The following FSD1L variants were observed in gnomAD, a reference collection of about 807,000 sequenced individuals.
FSD1L encodes the protein FSD1-like protein.
In FSD1L, 45 loss-of-function variants were observed where a neutral mutation model predicts 71.6. The ratio of observed to expected loss-of-function variants is 0.63; its 90% CI spans 0.49 to 0.81. The LOEUF (loss-of-function observed/expected upper bound fraction) is 0.81. Ranked by LOEUF, FSD1L falls within the 30% of genes least tolerant of loss-of-function variation. The pLI, the probability that FSD1L is intolerant of heterozygous loss-of-function variation, is 0.00. For missense variants in FSD1L, 561 were observed against 618.1 expected (o/e 0.91, Z 0.98); for synonymous variants, 197 against 207.2 (o/e 0.95, Z 0.42).
At chr9:105,544,355 T>A (rs1399163561) in intron 13 of FSD1L, among the ~76,000 whole-genome samples, 1 of 152,042 alleles carries the variant, frequency 6.6e-6, no homozygotes, top group Admixed American at 6.6e-5. Flanking sequence ...GATTGCAAAA[T>A]TTTTCTCCCA....
At chr9:105,495,486 G>A (rs10991674) in intron 7 of FSD1L, among the ~76,000 whole-genome samples, 18,666 of 152,170 alleles carry the variant, frequency 0.12, 1,530 homozygotes, top group East Asian at 0.46. Flanking sequence ...GCTTCGGCTC[G>A]TGCAGGGTGC....
Position 105,484,520 on chromosome 9 carries a change from A to G in FSD1L, c.586+18A>G, listed in dbSNP as rs571993233. On this transcript the variant is annotated intron_variant, in intron 7 of 13. Transcript: ENST00000481272. The stretch of plus-strand genomic sequence containing the variant: ...TTTGCCAGGTAAATACATGTATTAC[A>G]TGTAAAGTTTTGTATAAAACTTTTT... 11 of 1,451,026 alleles carry G rather than the reference A, an allele frequency of 7.6e-6. No homozygotes were observed. The highest frequency in any genetic ancestry group is 5.9e-5 in the African/African-American group (4 of 67,684). 89.9% of individuals were successfully genotyped at this position (1,451,026 alleles called of 1,614,324 possible).
chr9:105,460,064 T>C lies in FSD1L; in HGVS notation c.16-1456T>C, dbSNP rs575725469. 1.4e-4 allele frequency among the ~76,000 whole-genome samples: 21 copies of C among 152,344 alleles called. No individual in the cohort carries two copies. In the East Asian group the frequency reaches 3.3e-3, roughly 24 times the overall value. On this transcript the variant is annotated intron_variant, in intron 1 of 13. Coordinates refer to ENST00000481272, the MANE Select transcript of FSD1L (RefSeq NM_001145313.3). ...ATGAGACTGTGTTTCTCAGAAATAC[T>C]ATATCAGCCTTTAAAGACCTTTCTT...
rs563936402 is a variant in FSD1L at position 105,476,652 on chromosome 9, T to A, written c.442-2702T>A. 4.9e-4 allele frequency among the ~76,000 whole-genome samples: 75 copies of A among 152,332 alleles called. 1 individual carries two copies. The highest frequency in any genetic ancestry group is 1.4e-3 in the Admixed American group (22 of 15,308). ...TCACTCTTTAGATCTTCTATTGAAA[T>A]CCTTTCTGCCAATTTTGTAATTGAC... is the stretch of plus-strand genomic sequence containing the variant. On this transcript the variant is annotated intron_variant, in intron 5 of 13. Transcript: ENST00000481272.
intron 5 of FSD1L, among the ~76,000 whole-genome samples, chr9:105,474,041 C>T (rs1385432301): frequency 6.6e-6 from 1 of 152,152 alleles, no homozygotes; most frequent in Non-Finnish European, 1.5e-5. Context: ...GAATTACAAC[C>T]ATGTGTCGCT....
rs79949740 is a variant in FSD1L, at chr9:105,513,928, A to G, written c.1025+992A>G. 8.3e-3 allele frequency among the ~76,000 whole-genome samples: 1,265 copies of G among 152,270 alleles called. 20 individuals carry two copies. Among genetic ancestry groups the G allele is most frequent in the African/African-American group, 0.029 (1,210 of 41,550 alleles). The stretch of plus-strand genomic sequence containing the variant: ...TTTTCTGCTTTTACTCATACCTGGC[A>G]TCTTTCTTGTTGTACTGAATAATAT... On this transcript the variant is annotated intron_variant, in intron 10 of 13. Coordinates refer to ENST00000481272, the MANE Select transcript of FSD1L (RefSeq NM_001145313.3).
At chr9:105,453,044 GTTTTTTTTTTTTT>G (rs774826229) in intron 1 of FSD1L, among the ~76,000 whole-genome samples, 1 of 88,240 alleles carries the variant, frequency 1.1e-5, no homozygotes, top group South Asian at 4.0e-4. Context: ...ACCTAAAGTT[GTTTTTTTTTTTTT>G]TTTTTTTTTG....
chr9:105,471,944 A>G lies in FSD1L; in HGVS notation c.380A>G (p.Glu127Gly). 7.0e-7 allele frequency: 1 copy of G among 1,422,554 alleles called. No individual in the cohort carries two copies. The highest frequency in any genetic ancestry group is 9.2e-7 in the Non-Finnish European group (1 of 1,088,970). 88.1% of individuals were successfully genotyped at this position (1,422,554 alleles called of 1,614,324 possible). A position where few individuals can be genotyped will look rare whatever the true frequency, so the allele number is the denominator to read the frequency against. Residue 127 changes from glutamate (E) to glycine (G), a missense_variant, in exon 5 of 14, where the codon GAA becomes GGA. This residue lies in a region of FSD1L where 410 missense variants were observed against 413.5 expected (regional missense o/e 0.99). Coordinates refer to ENST00000481272, the MANE Select transcript of FSD1L (RefSeq NM_001145313.3). ...TGTAATAATGCCCTGGAGAACTCTG[A>G]AGAACTATTAGAATTTGCAACAAGG... ...SQCNNALENS[E>G]ELLEFATRSL...
intron 1 of FSD1L, among the ~76,000 whole-genome samples, chr9:105,460,887 G>A (rs968138353): frequency 2.0e-5 from 3 of 152,160 alleles, no homozygotes; most frequent in Admixed American, 6.5e-5. Context: ...ATTGGACCCC[G>A]AAGTGGTGTT....
intron 10 of FSD1L, chr9:105,520,759 C>G (rs1835094747): frequency 1.9e-6 from 3 of 1,612,878 alleles, no homozygotes; most frequent in African/African-American, 1.3e-5. Flanking sequence ...GGACCTCGAA[C>G]TTTAGATAAT....
At chr9:105,459,571 G>A (rs1358133910) in intron 1 of FSD1L, among the ~76,000 whole-genome samples, 1 of 152,186 alleles carries the variant, frequency 6.6e-6, no homozygotes, top group Non-Finnish European at 1.5e-5. Context: ...GTCTGCCCTT[G>A]GGGAACTTTG....
At position 105,552,346 on chromosome 9, in the gene FSD1L, T is replaced by G. The variant is rs1432701641; in HGVS notation, c.*5863T>G. The G allele has an allele frequency of 6.6e-6, 1 of 152,210 alleles. No homozygotes were observed. The highest frequency in any genetic ancestry group is 1.5e-5 in the Non-Finnish European group (1 of 68,020). 9.4% of individuals were successfully genotyped at this position (152,210 alleles called of 1,614,324 possible). ...ATTCAAAGTGGAGTAACGTGTATTT[T>G]GAAATGATTTTGTGTTCTATATAGA... On this transcript the variant is annotated 3_prime_UTR_variant, in exon 14 of 14. Transcript: ENST00000481272.
chr9:105,459,916 A>G (rs1186476454), intron 1 of FSD1L, among the ~76,000 whole-genome samples: 1 of 152,142 alleles, frequency 6.6e-6, no homozygotes, highest in East Asian at 1.9e-4. Flanking sequence ...CAGTTTTGGC[A>G]TTAGGGTAAA....
chr9:105,541,078 A>G (rs745798705), intron 13 of FSD1L, among the ~76,000 whole-genome samples: 5 of 152,112 alleles, frequency 3.3e-5, no homozygotes, highest in Non-Finnish European at 5.9e-5. Context: ...ATAAGGAGAA[A>G]GTTTTCAGAG....
upstream of FSD1L, chr9:105,448,017 C>T: frequency 5.0e-6 from 3 of 602,184 alleles, no homozygotes; most frequent in South Asian, 6.0e-5. Flanking sequence ...CTCAGCCCCT[C>T]CCTTCTGCGG....
intron 7 of FSD1L, among the ~76,000 whole-genome samples, chr9:105,500,021 C>G (rs899778909): frequency 2.0e-5 from 3 of 152,090 alleles, no homozygotes; most frequent in Non-Finnish European, 4.4e-5. Context: ...CCTTTCTTTG[C>G]GGTTTTTTCT....
At chr9:105,443,391 T>A (rs938900195), upstream of FSD1L, among the ~76,000 whole-genome samples, 1 of 152,124 alleles carries the variant, frequency 6.6e-6, no homozygotes, top group Non-Finnish European at 1.5e-5. Flanking sequence ...TTATTCACTA[T>A]CATGAGAACA....
In FSD1L at chr9:105,464,302, A is replaced by T; in HGVS notation, c.178A>T (p.Thr60Ser). The T allele has an allele frequency of 2.6e-6, 4 of 1,524,034 alleles. No individual in the cohort carries two copies. The highest frequency in any genetic ancestry group is 3.6e-6 in the Non-Finnish European group (4 of 1,125,686). 94.4% of individuals were successfully genotyped at this position (1,524,034 alleles called of 1,614,324 possible). A position where few individuals can be genotyped will look rare whatever the true frequency, so the allele number is the denominator to read the frequency against. The change falls in exon 3 of 14, where the codon ACA becomes TCA. Residue 60 changes from threonine (T) to serine (S), a missense_variant. Thr to Ser is a moderately conservative substitution (Grantham distance 58). Coordinates refer to ENST00000481272, the MANE Select transcript of FSD1L (RefSeq NM_001145313.3). The stretch of plus-strand genomic sequence containing the variant: ...TGATGAAATTCAGAACTTTATTGAT[A>T]CACTACATCATACACTAAAAGGAGT... ...KNDEIQNFID[T>S]LHHTLKGVQE...
Position 105,464,247 on chromosome 9 carries a change from G to C in FSD1L, c.123G>C (p.Gln41His). 6.7e-7 allele frequency: 1 copy of C among 1,502,182 alleles called. No homozygotes were observed. Among genetic ancestry groups the C allele is most frequent in the Non-Finnish European group, 9.0e-7 (1 of 1,107,526 alleles). The allele number at this position is 1,502,182 out of a possible 1,614,324, so 93.1% of individuals were successfully genotyped here. A position where few individuals can be genotyped will look rare whatever the true frequency, so the allele number is the denominator to read the frequency against. Residue 41 changes from glutamine to histidine, a missense_variant, in exon 3 of 14, where the codon CAG (glutamine) becomes CAC (histidine). This residue lies in a region of FSD1L where 410 missense variants were observed against 413.5 expected (regional missense o/e 0.99). Transcript: ENST00000481272. ...ESINLQQEALQRIISTLANKN... is the reference protein window; with the variant it reads ...ESINLQQEALHRIISTLANKN... ...TTTCTTAATTCTAGGAAGCTCTACA[G>C]AGGATCATTTCAACTCTGGCAAATA...
Sources: gnomAD v4.1 joint callset for allele counts (sites outside exome capture counted in the v4.1 genomes callset) on GRCh38, gnomAD v4.1.1 for gene constraint, gnomAD v4.1.1 regional missense constraint, MANE v1.5 for transcripts, NCBI Gene and HGNC (gene_info 2026-07-23, HGNC 2026-07-21) for gene names.